The following TMEM87B variants were observed in gnomAD, a reference collection of about 807,000 sequenced individuals.
The protein encoded by TMEM87B is transmembrane protein 87B.
A neutral mutation model predicts 80.3 loss-of-function variants in TMEM87B; 83 were observed. The ratio of observed to expected loss-of-function variants is 1.03; its 90% CI spans 0.87 to 1.24. TMEM87B has a LOEUF of 1.24. Among genes scored for constraint, TMEM87B ranks in the 50% most tolerant of loss-of-function variants. TMEM87B has a pLI of 0.00. For synonymous variants in TMEM87B, 219 were observed against 230.5 expected, an observed-to-expected ratio of 0.95 and a Z score of 0.45; for missense variants, 625 against 674.4, an observed-to-expected ratio of 0.93 and a Z score of 0.81.
At chr2:112,070,656 G>A (rs1678595320) in intron 4 of TMEM87B, among the ~76,000 whole-genome samples, 1 of 151,996 alleles carries the variant, frequency 6.6e-6, no homozygotes, top group African/African-American at 2.4e-5. Flanking sequence ...TTGGCTATTC[G>A]GGCTCTCTTC....
chr2:112,074,065 T>G (rs1678738353), intron 4 of TMEM87B, among the ~76,000 whole-genome samples: 1 of 152,202 alleles, frequency 6.6e-6, no homozygotes, highest in Admixed American at 6.5e-5. Context: ...ATTCTGTGCC[T>G]TTTAATTGGG....
At chr2:112,073,125 C>T (rs374915285) in intron 4 of TMEM87B, among the ~76,000 whole-genome samples, 6 of 152,152 alleles carry the variant, frequency 3.9e-5, no homozygotes, top group African/African-American at 1.4e-4. Context: ...GTCTCGAACT[C>T]GTGACCTCAG....
intron 4 of TMEM87B, among the ~76,000 whole-genome samples, chr2:112,067,430 C>A (rs939075805): frequency 6.6e-6 from 1 of 152,016 alleles, no homozygotes; most frequent in Non-Finnish European, 1.5e-5. Flanking sequence ...GAAACCCCAT[C>A]TCTACTAAAA....
At chr2:112,082,057 A>G (rs1573703117) in intron 8 of TMEM87B, among the ~76,000 whole-genome samples, 1 of 152,312 alleles carries the variant, frequency 6.6e-6, no homozygotes, top group African/African-American at 2.4e-5. Flanking sequence ...TATGTGAAGC[A>G]GGCAGGCCAT....
rs375114559 is a variant in TMEM87B, at chr2:112,102,597, G to A, written c.1450+1902G>A. ...TAATCCCAGCTACTTAGGAGGCAGA[G>A]ACGGGAGAATTGCATGAACCCAGGA... On this transcript the variant is annotated intron_variant, in intron 15 of 18. Transcript: ENST00000283206. Among the ~76,000 whole-genome samples, 49 of 152,198 alleles carry A rather than the reference G, an allele frequency of 3.2e-4. No individual in the cohort carries two copies. The East Asian group carries it at 4.1e-3, about 13-fold the overall frequency.
intron 4 of TMEM87B, 51 bp from the exon 5 acceptor site, chr2:112,074,861 C>T: frequency 2.1e-6 from 3 of 1,463,296 alleles, no homozygotes; most frequent in Admixed American, 2.7e-5. Flanking sequence ...AACAATTTTT[C>T]TCCGTAGAAA....
intron 17 of TMEM87B, 143 bp downstream of exon 17, chr2:112,107,983 C>T: frequency 2.3e-6 from 1 of 432,748 alleles, no homozygotes; most frequent in Non-Finnish European, 4.2e-6. Flanking sequence ...ATGGCCCTTA[C>T]AGAACTGCAA....
At chr2:112,111,017 A>T (rs973547056) in intron 17 of TMEM87B, among the ~76,000 whole-genome samples, 6 of 151,896 alleles carry the variant, frequency 4.0e-5, no homozygotes, top group Non-Finnish European at 7.4e-5. Flanking sequence ...TATTTTTCCT[A>T]AAGTCTCTCA....
At chr2:112,077,742 T>A (rs1420099995) in intron 6 of TMEM87B, among the ~76,000 whole-genome samples, 1 of 152,236 alleles carries the variant, frequency 6.6e-6, no homozygotes, top group East Asian at 1.9e-4. Context: ...TGCCAGCATG[T>A]GCTTCTGTGG....
At chr2:112,097,711 T>G (rs1679511405) in intron 13 of TMEM87B, among the ~76,000 whole-genome samples, 1 of 40,362 alleles carries the variant, frequency 2.5e-5, no homozygotes, top group Non-Finnish European at 4.0e-5. Context: ...AGACTCCATC[T>G]CAAAAAAAAA....
chr2:112,107,261 A>G (rs1393171523), intron 16 of TMEM87B, among the ~76,000 whole-genome samples: 10 of 151,798 alleles, frequency 6.6e-5, no homozygotes, highest in African/African-American at 2.4e-4. Flanking sequence ...GGGAGGCTGA[A>G]ACAGGAGAAT....
At chr2:112,090,272 C>T (rs559820941) in intron 10 of TMEM87B, among the ~76,000 whole-genome samples, 18 of 152,194 alleles carry the variant, frequency 1.2e-4, no homozygotes, top group Non-Finnish European at 2.2e-4. Context: ...GCACTTTATT[C>T]TCTAGAGAAG....
chr2:112,091,337 A>G (rs1002815980), intron 10 of TMEM87B, among the ~76,000 whole-genome samples: 1 of 151,912 alleles, frequency 6.6e-6, no homozygotes, highest in Non-Finnish European at 1.5e-5. Context: ...CCCCCCCTTC[A>G]CTTTTTCTGT....
chr2:112,092,920 A>G (rs1445820008), intron 11 of TMEM87B, among the ~76,000 whole-genome samples: 2 of 152,136 alleles, frequency 1.3e-5, no homozygotes, highest in Non-Finnish European at 2.9e-5. Flanking sequence ...TTTCTATTAT[A>G]TTTATGTCCT....
Position 112,092,081 on chromosome 2 carries a change from T to C in TMEM87B, c.1104+298T>C, listed in dbSNP as rs1278659791. ...CAGTCTTGTAGGGGAGACAGATACA[T>C]AACTGGCATCAGTATAGCAGTAGTA... On this transcript the variant is annotated intron_variant, in intron 11 of 18. Coordinates refer to ENST00000283206, the MANE Select transcript of TMEM87B (RefSeq NM_032824.3). Among the ~76,000 whole-genome samples, 2 of 152,278 alleles carry C rather than the reference T, an allele frequency of 1.3e-5. 1 individual carries two copies. Among genetic ancestry groups the C allele is most frequent in the Admixed American group, 1.3e-4 (2 of 15,294 alleles).
chr2:112,102,381 A>G (rs1679654010), intron 15 of TMEM87B, among the ~76,000 whole-genome samples: 2 of 152,322 alleles, frequency 1.3e-5, no homozygotes, highest in Admixed American at 6.5e-5. Context: ...ATCACTCAGT[A>G]TAATTCATCA....
At chr2:112,100,594 G>C in intron 14 of TMEM87B, 28 bp from the exon 15 acceptor site, 1 of 1,502,686 alleles carries the variant, frequency 6.7e-7, no homozygotes, top group South Asian at 1.2e-5. Context: ...AAACATACTA[G>C]TAAAACTACT....
intron 16 of TMEM87B, among the ~76,000 whole-genome samples, chr2:112,107,115 T>C (rs1679789055): frequency 6.6e-6 from 1 of 152,172 alleles, no homozygotes; most frequent in South Asian, 2.1e-4. Context: ...CCCAGCACTT[T>C]GGGAGGCTGA....
intron 1 of TMEM87B, 61 bp downstream of exon 1, chr2:112,055,817 C>T: frequency 7.0e-7 from 1 of 1,435,250 alleles, no homozygotes; most frequent in Non-Finnish European, 9.1e-7. Flanking sequence ...CGTCGTGCGG[C>T]TTCGCTTGAC....
Sources: gnomAD v4.1 joint callset for allele counts (sites outside exome capture counted in the v4.1 genomes callset) on GRCh38, gnomAD v4.1.1 for gene constraint, MANE v1.5 for transcripts, NCBI Gene and HGNC (gene_info 2026-07-23, HGNC 2026-07-21) for gene names.